Variants in EMC7 observed in about 807,000 individuals in gnomAD.
EMC7 encodes the protein ER membrane protein complex subunit 7.
A neutral mutation model predicts 24.4 loss-of-function variants in EMC7; 4 were observed. The observed-to-expected ratio is 0.16, with a 90% confidence interval of 0.08 to 0.38. The LOEUF (loss-of-function observed/expected upper bound fraction) is 0.38, where lower values mean the gene tolerates loss of function less well. EMC7 is among the 10% of genes least tolerant of loss of function. The pLI, the probability that EMC7 is intolerant of heterozygous loss-of-function variation, is 1.00. For missense variants in EMC7, 221 were observed against 300.6 expected (o/e 0.74, Z 1.96); for synonymous variants, 106 against 112.0 (o/e 0.95, Z 0.34).
intron 1 of EMC7, among the ~76,000 whole-genome samples, chr15:34,099,605 A>G (rs1253940804): frequency 7.9e-5 from 12 of 152,008 alleles, no homozygotes. Context: ...TTCTCCATCA[A>G]TGTTTCTTTT....
intron 4 of EMC7, among the ~76,000 whole-genome samples, chr15:34,085,049 T>C (rs1900855667): frequency 6.6e-6 from 1 of 152,190 alleles, no homozygotes; most frequent in Admixed American, 6.5e-5. Flanking sequence ...TCTTATTGTT[T>C]TAATGAGTAC....
chr15:34,090,263 G>A lies in EMC7; in HGVS notation c.495+54C>T, dbSNP rs953410742. On this transcript the variant is annotated intron_variant, in intron 3 of 4. Coordinates refer to ENST00000256545, the MANE Select transcript of EMC7 (RefSeq NM_020154.3). ...CTCACAGAGGTTTGAAGTTTCCACT[G>A]CCTAGAAGCAAATTAGGTATTAGTA... is the stretch of plus-strand genomic sequence containing the variant. 5 of 1,556,048 alleles carry A rather than the reference G, an allele frequency of 3.2e-6. No homozygotes were observed. In the African/African-American group the frequency reaches 5.5e-5, roughly 17 times the overall value.
chr15:34,093,635 G>C lies in EMC7; in HGVS notation c.356+2260C>G, dbSNP rs964125212. ...ATTGTGTTTTCAATATAAAAAAAAT[G>C]TTTAAAGCAGTATATATAACATATA... On this transcript the variant is annotated intron_variant, in intron 2 of 4. Coordinates refer to ENST00000256545, the MANE Select transcript of EMC7 (RefSeq NM_020154.3). Among the ~76,000 whole-genome samples, 5 of 149,914 alleles carry C rather than the reference G, an allele frequency of 3.3e-5. No individual in the cohort carries two copies. In the South Asian group the frequency reaches 8.4e-4, roughly 25 times the overall value.
At chr15:34,090,103 T>A (rs1900954991) in intron 3 of EMC7, among the ~76,000 whole-genome samples, 1 of 152,238 alleles carries the variant, frequency 6.6e-6, no homozygotes, top group South Asian at 2.1e-4. Flanking sequence ...CTATTACACA[T>A]TTCAATAATC....
intron 4 of EMC7, among the ~76,000 whole-genome samples, chr15:34,085,317 T>C (rs965317823): frequency 6.6e-5 from 10 of 152,158 alleles, no homozygotes; most frequent in Non-Finnish European, 1.5e-4. Flanking sequence ...TCCTCCCCTT[T>C]AATTGAGCCA....
chr15:34,091,406 A>G (rs887874204), intron 2 of EMC7, among the ~76,000 whole-genome samples: 1 of 152,210 alleles, frequency 6.6e-6, no homozygotes, highest in African/African-American at 2.4e-5. Flanking sequence ...ATTTAAGTAA[A>G]GAGATACAAA....
At chr15:34,093,821 A>ATTTTTTTTTT in intron 2 of EMC7, among the ~76,000 whole-genome samples, 1 of 21,838 alleles carries the variant, frequency 4.6e-5, no homozygotes, top group Non-Finnish European at 9.7e-5. Context: ...ATATATATAT[A>ATTTTTTTTTT]TATTTTTTTT....
intron 1 of EMC7, among the ~76,000 whole-genome samples, chr15:34,098,457 C>CTTTTTT (rs560201784): frequency 7.6e-6 from 1 of 132,324 alleles, no homozygotes; most frequent in African/African-American, 2.9e-5. Flanking sequence ...TTCTTTCTTT[C>CTTTTTT]TTTTTTTTTT....
chr15:34,087,405 T>C (rs1452633413), intron 4 of EMC7, among the ~76,000 whole-genome samples: 1 of 152,192 alleles, frequency 6.6e-6, no homozygotes, highest in Non-Finnish European at 1.5e-5. Flanking sequence ...GCAAATCCTC[T>C]CCCTCTGCAG....
intron 2 of EMC7, among the ~76,000 whole-genome samples, chr15:34,093,515 C>T (rs530305849): frequency 6.6e-6 from 1 of 150,794 alleles, no homozygotes; most frequent in African/African-American, 2.4e-5. Context: ...TTCCTATTTG[C>T]TAAGACTATT....
chr15:34,094,406 G>A (rs1406987215), intron 2 of EMC7, among the ~76,000 whole-genome samples: 1 of 151,962 alleles, frequency 6.6e-6, no homozygotes. Flanking sequence ...TTGGTGGTAG[G>A]TGCCTGTAGT....
chr15:34,085,625 T>TGA (rs1435391549), intron 4 of EMC7, among the ~76,000 whole-genome samples: 2 of 152,082 alleles, frequency 1.3e-5, no homozygotes, highest in Non-Finnish European at 2.9e-5. Flanking sequence ...GATATTAGCT[T>TGA]GAGCTTTTCC....
At chr15:34,101,525 C>T in intron 1 of EMC7, 79 bp downstream of exon 1, 1 of 1,468,960 alleles carries the variant, frequency 6.8e-7, no homozygotes, top group Non-Finnish European at 9.4e-7. Context: ...GTTGTCCCGT[C>T]CTGACACTTA....
intron 2 of EMC7, among the ~76,000 whole-genome samples, chr15:34,095,623 A>G (rs935165002): frequency 3.9e-5 from 6 of 152,234 alleles, no homozygotes; most frequent in African/African-American, 1.4e-4. Flanking sequence ...TAACTTTCAT[A>G]GCACTTTAGC....
chr15:34,086,196 C>A, intron 4 of EMC7: 2 of 385,848 alleles, frequency 5.2e-6, no homozygotes, highest in South Asian at 2.2e-5. Flanking sequence ...GTTGTCAACA[C>A]CTCTAGGTTT....
chr15:34,092,981 T>C (rs955607641), intron 2 of EMC7, among the ~76,000 whole-genome samples: 2 of 152,204 alleles, frequency 1.3e-5, no homozygotes, highest in African/African-American at 2.4e-5. Flanking sequence ...TAGCCAACAG[T>C]GGCAAAATCA....
intron 1 of EMC7, among the ~76,000 whole-genome samples, chr15:34,096,855 C>T (rs1901076736): frequency 6.6e-6 from 1 of 151,516 alleles, no homozygotes; most frequent in Non-Finnish European, 1.5e-5. Flanking sequence ...GGCGTGGTGG[C>T]GCATGCCTGT....
At chr15:34,088,717 C>G (rs957966207) in intron 3 of EMC7, among the ~76,000 whole-genome samples, 4 of 152,076 alleles carry the variant, frequency 2.6e-5, no homozygotes, top group African/African-American at 9.7e-5. Flanking sequence ...AGTCTCCCCC[C>G]GCCTCTTTAT....
intron 3 of EMC7, among the ~76,000 whole-genome samples, chr15:34,089,816 C>G (rs1365769220): frequency 6.6e-6 from 1 of 152,082 alleles, no homozygotes; most frequent in Non-Finnish European, 1.5e-5. Flanking sequence ...ATTAGCCGGG[C>G]GTGGTGGCAC....
Sources: allele counts gnomAD v4.1 joint callset (sites outside exome capture counted in the v4.1 genomes callset), GRCh38; gene constraint gnomAD v4.1.1; transcripts MANE v1.5; gene names NCBI Gene and HGNC (gene_info 2026-07-23, HGNC 2026-07-21).